PTPN14: variants seen among roughly 807,000 people sequenced by gnomAD.
The protein encoded by PTPN14 is protein tyrosine phosphatase non-receptor type 14.
Under a neutral mutation model 126.8 loss-of-function variants are expected in PTPN14, and 53 were observed. That is an observed-to-expected ratio of 0.42 (90% CI 0.34 to 0.53). The LOEUF (loss-of-function observed/expected upper bound fraction) is 0.53. Among genes scored for constraint, PTPN14 ranks in the 20% least tolerant of loss-of-function variants. PTPN14 has a pLI of 0.08. For missense variants in PTPN14, 1,257 were observed against 1,552.9 expected (o/e 0.81, Z 3.20); for synonymous variants, 630 against 599.3 (o/e 1.05, Z -0.75).
intron 1 of PTPN14, among the ~76,000 whole-genome samples, chr1:214,482,613 T>C (rs1184722656): frequency 1.3e-5 from 2 of 152,018 alleles, no homozygotes; most frequent in Non-Finnish European, 2.9e-5. Flanking sequence ...CTACTCAATT[T>C]CTTTAAAATC....
rs768982645 is a variant in PTPN14 at position 214,384,812 on chromosome 1, C to T, written c.1067-24G>A. On this transcript the variant is annotated intron_variant, in intron 12 of 18. Coordinates refer to ENST00000366956, the MANE Select transcript of PTPN14 (RefSeq NM_005401.5). The surrounding 1 kb of genome is among the most constrained non-coding windows in gnomAD (Gnocchi z 5.3). ...GTCTACAAGAAGTCAAACAAAGGCA[C>T]GTGAACCTCCAAGCCATCCTGCCAC... 41 of 1,588,522 alleles carry T rather than the reference C, an allele frequency of 2.6e-5. No individual in the cohort carries two copies. In the African/African-American group the frequency reaches 3.6e-4, roughly 14 times the overall value.
chr1:214,522,097 C>T (rs376415891), intron 1 of PTPN14, among the ~76,000 whole-genome samples: 2 of 151,876 alleles, frequency 1.3e-5, no homozygotes, highest in East Asian at 2.0e-4. Context: ...CCGTCACACC[C>T]GGCTAGTTTT....
Position 214,394,884 on chromosome 1 carries a change from G to A in PTPN14, c.846+15C>T. On this transcript the variant is annotated intron_variant, in intron 9 of 18. Transcript: ENST00000366956. Reference sequence around the variant, plus strand: ...GTGTCTTGTCAGACCCTGACTGTTTGTCTGTTGTGCTTACCGTGTGAAAGA... The same window carrying A: ...GTGTCTTGTCAGACCCTGACTGTTTATCTGTTGTGCTTACCGTGTGAAAGA... The A allele has an allele frequency of 1.2e-6, 2 of 1,601,242 alleles. No individual in the cohort carries two copies. The highest frequency in any genetic ancestry group is 1.7e-6 in the Non-Finnish European group (2 of 1,168,392).
intron 1 of PTPN14, among the ~76,000 whole-genome samples, chr1:214,495,274 G>A (rs12089869): frequency 0.18 from 27,515 of 152,072 alleles, 3,020 homozygotes; most frequent in East Asian, 0.37. Flanking sequence ...ATGTCACGGC[G>A]TCAGTGAAAA....
At chr1:214,484,494 AT>A (rs1661069898) in intron 1 of PTPN14, among the ~76,000 whole-genome samples, 1 of 152,182 alleles carries the variant, frequency 6.6e-6, no homozygotes, top group South Asian at 2.1e-4. Flanking sequence ...AGGTGTTCCC[AT>A]TTTTTCCCCA....
chr1:214,420,758 G>C (rs1206541041), intron 3 of PTPN14, among the ~76,000 whole-genome samples: 5 of 152,168 alleles, frequency 3.3e-5, no homozygotes, highest in Admixed American at 3.3e-4. Context: ...ACTTCTTTCT[G>C]TCCTATCCTA....
intron 1 of PTPN14, among the ~76,000 whole-genome samples, chr1:214,479,661 AC>A (rs534812048): frequency 7.9e-5 from 12 of 152,250 alleles, no homozygotes; most frequent in South Asian, 2.1e-4. Flanking sequence ...TCCAAAAAAA[AC>A]AAACAAAAAA....
chr1:214,478,973 T>C (rs997909974), intron 1 of PTPN14, among the ~76,000 whole-genome samples: 4 of 151,734 alleles, frequency 2.6e-5, no homozygotes, highest in Non-Finnish European at 5.9e-5. Flanking sequence ...TATACAATCA[T>C]ACATTGACTA....
chr1:214,448,899 T>C (rs1236539590), intron 3 of PTPN14, among the ~76,000 whole-genome samples: 1 of 152,158 alleles, frequency 6.6e-6, no homozygotes, highest in Non-Finnish European at 1.5e-5. Context: ...TGGACTTCAC[T>C]TACTTAGACC....
At chr1:214,365,024 G>A (rs1161051897) in intron 17 of PTPN14, among the ~76,000 whole-genome samples, 1 of 151,986 alleles carries the variant, frequency 6.6e-6, no homozygotes, top group Non-Finnish European at 1.5e-5. Flanking sequence ...ATTACTTACA[G>A]CAATTCCTGC....
At chr1:214,461,009 A>G (rs4655255) in intron 2 of PTPN14, among the ~76,000 whole-genome samples, 125,557 of 151,768 alleles carry the variant, frequency 0.83, 52,034 homozygotes, top group African/African-American at 0.89. Context: ...TGTACCACTC[A>G]GGGGGTGATG....
rs1655579734 is a variant in PTPN14 at position 214,532,532 on chromosome 1, G to A, written c.-155+18651C>T. ...AGAGCAAAATCTGGGAGCACCTGGAGAAGAAGGGACCCCAGGTCAGAGACT... is the reference window on the plus strand; with the variant it reads ...AGAGCAAAATCTGGGAGCACCTGGAAAAGAAGGGACCCCAGGTCAGAGACT... On this transcript the variant is annotated intron_variant, in intron 1 of 18. Coordinates refer to ENST00000366956, the MANE Select transcript of PTPN14 (RefSeq NM_005401.5). 2.4e-5 allele frequency: 25 copies of A among 1,032,416 alleles called. No individual in the cohort carries two copies. In the South Asian group the frequency reaches 3.0e-4, roughly 12 times the overall value. The allele number at this position is 1,032,416 out of a possible 1,614,324, so 64.0% of individuals were successfully genotyped here.
At chr1:214,531,110 T>C (rs1655535467) in intron 1 of PTPN14, 1 of 152,066 alleles carries the variant, frequency 6.6e-6, no homozygotes, top group South Asian at 2.1e-4. Context: ...GGAAAAAAAA[T>C]CCGAAGACTT....
Position 214,392,171 on chromosome 1 carries a change from GAATTT to G in PTPN14, c.930-1131_930-1127del, listed in dbSNP as rs200820101. 4.2e-3 allele frequency among the ~76,000 whole-genome samples: 637 copies of G among 152,166 alleles called. 5 individuals carry two copies. The highest frequency in any genetic ancestry group is 0.014 in the African/African-American group (585 of 41,528). On this transcript the variant is annotated intron_variant, in intron 10 of 18. Coordinates refer to ENST00000366956, the MANE Select transcript of PTPN14 (RefSeq NM_005401.5). The stretch of plus-strand genomic sequence containing the variant: ...GTGCTGGGACGCTGAACTGCATATG[GAATTT>G]AATGGGGGAGAGAGAGAAAGAGAGA...
intron 1 of PTPN14, among the ~76,000 whole-genome samples, chr1:214,495,921 C>T (rs893665200): frequency 1.7e-4 from 26 of 152,110 alleles, no homozygotes; most frequent in Middle Eastern, 3.4e-3. Context: ...CTCGAACTCC[C>T]GACCTCTGGT....
At chr1:214,490,463 A>C (rs1224603517) in intron 1 of PTPN14, among the ~76,000 whole-genome samples, 2 of 152,230 alleles carry the variant, frequency 1.3e-5, no homozygotes, top group African/African-American at 4.8e-5. Context: ...TTGGCTATAA[A>C]TAGGACAAAC....
At chr1:214,372,543 T>C (rs180909044) in intron 16 of PTPN14, among the ~76,000 whole-genome samples, 168 bp downstream of exon 16, 93 of 152,140 alleles carry the variant, frequency 6.1e-4, no homozygotes, top group African/African-American at 2.2e-3. Flanking sequence ...GGGGAAAAAA[T>C]ATCTATCTGG....
intron 4 of PTPN14, among the ~76,000 whole-genome samples, chr1:214,413,369 A>C (rs1659352383): frequency 6.6e-6 from 1 of 152,256 alleles, no homozygotes; most frequent in African/African-American, 2.4e-5. Context: ...TTACAACAGA[A>C]GCTAACTGTA....
chr1:214,369,874 C>T lies in PTPN14; in HGVS notation c.3037-183G>A, dbSNP rs536452552. 6.4e-4 allele frequency among the ~76,000 whole-genome samples: 98 copies of T among 152,348 alleles called. 2 individuals are homozygous for T. Among genetic ancestry groups the T allele is most frequent in the Middle Eastern group, 6.8e-3 (2 of 294 alleles). On this transcript the variant is annotated intron_variant, in intron 16 of 18. Transcript: ENST00000366956. ...TAGTTAAGACCAATAACACAATTTA[C>T]AATGACAGTTACATCAATGGAAAAT...
Sources: gnomAD v4.1 joint callset for allele counts (sites outside exome capture counted in the v4.1 genomes callset) on GRCh38, gnomAD v4.1.1 for gene constraint, Gnocchi (gnomAD v3.1) non-coding constraint, MANE v1.5 for transcripts, NCBI Gene and HGNC (gene_info 2026-07-23, HGNC 2026-07-21) for gene names.